The following UTP25 variants were observed in gnomAD, a reference collection of about 807,000 sequenced individuals.
UTP25 encodes U3 small nucleolar RNA-associated protein 25 homolog.
UTP25 carries 50 observed loss-of-function variants against 78.9 expected under a neutral mutation model. The observed-to-expected ratio is 0.63, with a 90% CI of 0.50 to 0.80. The LOEUF (loss-of-function observed/expected upper bound fraction) is 0.80. Ranked by LOEUF, UTP25 falls within the 30% of genes least tolerant of loss-of-function variation. The probability of loss-of-function intolerance (pLI) is 0.00; values close to 1 mark genes in which losing one functional copy is unlikely to be tolerated. For missense variants in UTP25, 846 were observed against 911.3 expected, an observed-to-expected ratio of 0.93 and a Z score of 0.92; for synonymous variants, 329 against 336.5, an observed-to-expected ratio of 0.98 and a Z score of 0.24.
At chr1:209,840,150 G>C (rs2078158201) in intron 7 of UTP25, among the ~76,000 whole-genome samples, 1 of 152,202 alleles carries the variant, frequency 6.6e-6, no homozygotes, top group Admixed American at 6.5e-5. Flanking sequence ...ATATATAGCT[G>C]TCCAGGAAGC....
At chr1:209,841,114 C>A (rs2078165101) in intron 8 of UTP25, 59 bp downstream of exon 8, 2 of 1,574,002 alleles carry the variant, frequency 1.3e-6, no homozygotes, top group Non-Finnish European at 8.7e-7. Context: ...GATAAGACAC[C>A]CAGTGGTTTA....
chr1:209,849,117 A>G (rs2078214831), intron 11 of UTP25, among the ~76,000 whole-genome samples: 2 of 151,972 alleles, frequency 1.3e-5, no homozygotes, highest in African/African-American at 4.8e-5. Context: ...TTCTCCTTGC[A>G]AGGCATGAAG....
rs1185765128 is a variant in UTP25 at position 209,857,405 on chromosome 1, A to C, written c.*5958A>C. The C allele has an allele frequency of 1.3e-5, 2 of 152,136 alleles. No homozygotes were observed. Among genetic ancestry groups the C allele is most frequent in the Non-Finnish European group, 2.9e-5 (2 of 68,010 alleles). 9.4% of individuals were successfully genotyped at this position (152,136 alleles called of 1,614,324 possible). A position where few individuals can be genotyped will look rare whatever the true frequency, so the allele number is the denominator to read the frequency against. ...AGCAACCCATGCCCATTCCACAAAT[A>C]CAAGTGAAATAGTGAAAAACAAAAA... On this transcript the variant is annotated 3_prime_UTR_variant, in exon 12 of 12. Transcript: ENST00000491415.
intron 11 of UTP25, among the ~76,000 whole-genome samples, chr1:209,846,831 T>A (rs2078199337): frequency 6.6e-6 from 1 of 152,228 alleles, no homozygotes; most frequent in South Asian, 2.1e-4. Flanking sequence ...TGAGACAGAT[T>A]TTCATGTGTG....
At position 209,833,258 on chromosome 1, in the gene UTP25, C is replaced by T. The variant is rs656566; in HGVS notation, c.462C>T (p.Pro154=). 1,165,152 of 1,612,714 alleles carry T rather than the reference C, an allele frequency of 0.72. 426,027 individuals are homozygous for T. The highest frequency in any genetic ancestry group is 0.75 in the Non-Finnish European group (889,535 of 1,179,470). The change falls in exon 4 of 12, where the codon CCC becomes CCT. Residue 154 remains proline, a synonymous_variant. Coordinates refer to ENST00000491415, the MANE Select transcript of UTP25 (RefSeq NM_014388.7). ...CACCGGGCACATCACAAACATCCCC[C>T]GAAGAGTTCACAGATGCAAAACACG... ...EEPPGTSQTS[P]EEFTDAKHES...
In UTP25 at chr1:209,853,943, G is replaced by C. The variant is rs542457303; in HGVS notation, c.*2496G>C. On this transcript the variant is annotated 3_prime_UTR_variant, in exon 12 of 12. Coordinates refer to ENST00000491415, the MANE Select transcript of UTP25 (RefSeq NM_014388.7). The stretch of plus-strand genomic sequence containing the variant: ...AGTGTGAACAAAGTAGTGTTGCTTT[G>C]TTCCTGGCTCAGCACCTGAAAAGAA... 4.6e-5 allele frequency: 7 copies of C among 152,316 alleles called. No individual in the cohort carries two copies. The highest frequency in any genetic ancestry group is 1.4e-4 in the African/African-American group (6 of 41,568). The allele number at this position is 152,316 out of a possible 1,614,324, so 9.4% of individuals were successfully genotyped here.
At position 209,836,854 on chromosome 1, in the gene UTP25, A is replaced by G; in HGVS notation, c.705A>G (p.Thr235=). 1.9e-6 allele frequency: 3 copies of G among 1,613,602 alleles called. No homozygotes were observed. Among genetic ancestry groups the G allele is most frequent in the Non-Finnish European group, 1.7e-6 (2 of 1,179,858 alleles). Residue 235 remains threonine (T), a synonymous_variant, in exon 6 of 12, where the codon ACA becomes ACG. Transcript: ENST00000491415. The part of the protein sequence containing the change: ...FFSSKFQKLE[T]FKPPKDIDLK... ...CCTCTAAGTTTCAGAAGTTGGAAAC[A>G]TTTAAACCCCCAAAGGATATTGACT...
chr1:209,840,011 T>A (rs2078157327), intron 7 of UTP25, among the ~76,000 whole-genome samples: 1 of 152,154 alleles, frequency 6.6e-6, no homozygotes. Flanking sequence ...GGAAAACATT[T>A]CAGACAGGAA....
At chr1:209,831,144 C>T (rs2078101375) in intron 3 of UTP25, 101 bp downstream of exon 3, 2 of 1,253,526 alleles carry the variant, frequency 1.6e-6, no homozygotes, top group Non-Finnish European at 2.2e-6. Context: ...GATGAAAGGA[C>T]ATGAATCCAA....
intron 7 of UTP25, among the ~76,000 whole-genome samples, 165 bp downstream of exon 7, chr1:209,839,293 G>T (rs556550060): frequency 2.6e-4 from 39 of 152,296 alleles, no homozygotes; most frequent in African/African-American, 8.7e-4. Flanking sequence ...GTCTTGCCTT[G>T]GCTAATGGGG....
rs1343798881 is a variant in UTP25, at chr1:209,839,260, G to A, written c.1282+132G>A. On this transcript the variant is annotated intron_variant, in intron 7 of 11. Coordinates refer to ENST00000491415, the MANE Select transcript of UTP25 (RefSeq NM_014388.7). ...TTTAACAGAACCAGTGTGCCTTTGA[G>A]ACATGTTGTTTGCCATGGGAGAGTC... 6.9e-6 allele frequency: 6 copies of A among 873,584 alleles called. No homozygotes were observed. In the African/African-American group the frequency reaches 1.0e-4, roughly 15 times the overall value. 54.1% of individuals were successfully genotyped at this position (873,584 alleles called of 1,614,324 possible).
chr1:209,832,108 T>C (rs1352435221), intron 3 of UTP25, among the ~76,000 whole-genome samples: 1 of 152,006 alleles, frequency 6.6e-6, no homozygotes, highest in Non-Finnish European at 1.5e-5. Flanking sequence ...TTGTTTCTAT[T>C]TTTCTTTGCT....
In UTP25 at chr1:209,831,028, A is replaced by G; in HGVS notation, c.373A>G (p.Thr125Ala). 1 of 1,614,164 alleles carries G rather than the reference A, an allele frequency of 6.2e-7. No individual in the cohort carries two copies. The highest frequency in any genetic ancestry group is 1.1e-5 in the South Asian group (1 of 91,082). ...SVEEEMAAES[T>A]ESPENVALSA... is the part of the protein sequence containing the mutation. Reference sequence around the variant, plus strand: ...GGAAGAAGAGATGGCTGCAGAGTCTACTGAAAGTCCAGAGAGTAAGTGTCT... The same window carrying G: ...GGAAGAAGAGATGGCTGCAGAGTCTGCTGAAAGTCCAGAGAGTAAGTGTCT... Residue 125 changes from threonine (T) to alanine (A), a missense_variant, in exon 3 of 12, where the codon ACT becomes GCT. Transcript: ENST00000491415.
chr1:209,835,228 G>A, intron 5 of UTP25, 65 bp downstream of exon 5: 2 of 1,413,124 alleles, frequency 1.4e-6, no homozygotes, highest in East Asian at 2.3e-5. Flanking sequence ...GTGGTCTTGG[G>A]TTTTAGTGGC....
Position 209,839,073 on chromosome 1 carries a change from G to A in UTP25, c.1227G>A (p.Arg409=), listed in dbSNP as rs1268063428. 4 of 1,613,918 alleles carry A rather than the reference G, an allele frequency of 2.5e-6. No individual in the cohort carries two copies. In the East Asian group the frequency reaches 6.7e-5, roughly 27 times the overall value. The part of the protein sequence containing the change: ...DPEERPPNLK[R]PEDYEAVFVG... Reference sequence around the variant, plus strand: ...AGGAGAGACCACCCAACTTGAAGAGGCCTGAGGATTATGAAGCCGTATTTG... The same window carrying A: ...AGGAGAGACCACCCAACTTGAAGAGACCTGAGGATTATGAAGCCGTATTTG... Residue 409 remains arginine (R), a synonymous_variant, in exon 7 of 12, where the codon AGG becomes AGA. Transcript: ENST00000491415.
Position 209,851,296 on chromosome 1 carries a change from C to T in UTP25, c.2120C>T (p.Thr707Ile). 6.2e-7 allele frequency: 1 copy of T among 1,614,184 alleles called. No homozygotes were observed. Among genetic ancestry groups the T allele is most frequent in the Non-Finnish European group, 8.5e-7 (1 of 1,180,032 alleles). Residue 707 changes from threonine (T) to isoleucine (I), a missense_variant, in exon 12 of 12, where the codon ACC (threonine) becomes ATC (isoleucine). Coordinates refer to ENST00000491415, the MANE Select transcript of UTP25 (RefSeq NM_014388.7). ...YSEICNMLRA[T>I]NRGEEATWTC... is the part of the protein sequence containing the mutation. ...GAAATCTGTAATATGCTGAGAGCCACCAACAGAGGAGAAGAGGCCACGTGG... is the reference window on the plus strand; with the variant it reads ...GAAATCTGTAATATGCTGAGAGCCATCAACAGAGGAGAAGAGGCCACGTGG...
rs140666855 is a variant in UTP25 at position 209,857,144 on chromosome 1, G to A, written c.*5697G>A. 6.6e-6 allele frequency: 1 copy of A among 152,150 alleles called. No homozygotes were observed. The highest frequency in any genetic ancestry group is 1.5e-5 in the Non-Finnish European group (1 of 68,010). 9.4% of individuals were successfully genotyped at this position (152,150 alleles called of 1,614,324 possible). On this transcript the variant is annotated 3_prime_UTR_variant, in exon 12 of 12. Transcript: ENST00000491415. Reference sequence around the variant, plus strand: ...CTGCTTGAATTCCTTCAAGGATGGGGTGCTCATTGTGGCTTTTCTAATCAT... The same window carrying A: ...CTGCTTGAATTCCTTCAAGGATGGGATGCTCATTGTGGCTTTTCTAATCAT...
chr1:209,848,462 T>C (rs1004478810), intron 11 of UTP25, among the ~76,000 whole-genome samples: 3 of 152,186 alleles, frequency 2.0e-5, no homozygotes, highest in Non-Finnish European at 4.4e-5. Flanking sequence ...AGTGGGCATA[T>C]AGGGGTTTTT....
Position 209,836,864 on chromosome 1 carries a change from C to T in UTP25, c.715C>T (p.Pro239Ser), listed in dbSNP as rs146066445. The change falls in exon 6 of 12, where the codon CCA becomes TCA. Residue 239 changes from proline to serine, a missense_variant. By Grantham distance (74) the Pro-to-Ser change is moderately conservative (BLOSUM62 -1). Coordinates refer to ENST00000491415, the MANE Select transcript of UTP25 (RefSeq NM_014388.7). Reference sequence around the variant, plus strand: ...TCAGAAGTTGGAAACATTTAAACCCCCAAAGGATATTGACTTAAAGTCACT... The same window carrying T: ...TCAGAAGTTGGAAACATTTAAACCCTCAAAGGATATTGACTTAAAGTCACT... ...KFQKLETFKP[P>S]KDIDLKSLHL... 22 of 1,613,916 alleles carry T rather than the reference C, an allele frequency of 1.4e-5. No individual in the cohort carries two copies. In the African/African-American group the frequency reaches 2.9e-4, roughly 22 times the overall value.
Sources: gnomAD v4.1 joint callset for allele counts (sites outside exome capture counted in the v4.1 genomes callset) on GRCh38, gnomAD v4.1.1 for gene constraint, MANE v1.5 for transcripts, NCBI Gene and HGNC (gene_info 2026-07-23, HGNC 2026-07-21) for gene names.